SEC63: variants seen among roughly 807,000 people sequenced by gnomAD.
The protein encoded by SEC63 is translocation protein SEC63 homolog.
SEC63 carries 56 observed loss-of-function variants against 116.2 expected under a neutral mutation model. The ratio of observed to expected loss-of-function variants is 0.48; its 90% CI spans 0.39 to 0.60. The LOEUF is 0.60. Ranked by LOEUF, SEC63 falls within the 20% of genes least tolerant of loss-of-function variation. SEC63 has a pLI of 0.00. For missense variants in SEC63, 668 were observed against 900.0 expected (o/e 0.74, Z 3.30); for synonymous variants, 273 against 294.6 (o/e 0.93, Z 0.75).
At chr6:107,932,447 C>T (rs1787832780) in intron 1 of SEC63, among the ~76,000 whole-genome samples, 1 of 152,216 alleles carries the variant, frequency 6.6e-6, no homozygotes. Flanking sequence ...GGGAGGACTA[C>T]CCAGCAAGAA....
intron 1 of SEC63, among the ~76,000 whole-genome samples, chr6:107,943,224 A>C (rs1440903314): frequency 2.0e-5 from 3 of 152,248 alleles, no homozygotes; most frequent in African/African-American, 7.2e-5. Context: ...AGTATACACT[A>C]GTTAACTTTA....
intron 9 of SEC63, 49 bp downstream of exon 9, chr6:107,906,634 C>T (rs779411983): frequency 6.3e-7 from 1 of 1,599,330 alleles, no homozygotes; most frequent in Non-Finnish European, 8.6e-7. Context: ...AAAAAGTATT[C>T]ACTTTAATAC....
chr6:107,897,004 G>A (rs999940148), intron 14 of SEC63, among the ~76,000 whole-genome samples: 6 of 151,522 alleles, frequency 4.0e-5, no homozygotes, highest in African/African-American at 1.5e-4. Flanking sequence ...AAGAAGGAAG[G>A]GAGGGAAGGA....
Position 107,901,442 on chromosome 6 carries a change from C to T in SEC63, c.1285G>A (p.Asp429Asn). The change falls in exon 13 of 21, where the codon GAT (aspartate) becomes AAT (asparagine). Residue 429 changes from aspartate (D) to asparagine (N), a missense_variant. Asp to Asn is a conservative substitution (Grantham distance 23, BLOSUM62 1). Transcript: ENST00000369002. Reference protein sequence around the residue: ...DRHTLLHFLEDEKYEEVMAVL... With the variant: ...DRHTLLHFLENEKYEEVMAVL... ...GCCATAACCTCTTCATATTTTTCAT[C>T]TTCAAGGAAGTGCAGTAGAGTGTGA... 6.2e-7 allele frequency: 1 copy of T among 1,612,706 alleles called. No individual in the cohort carries two copies. The highest frequency in any genetic ancestry group is 8.5e-7 in the Non-Finnish European group (1 of 1,179,006).
At chr6:107,906,379 C>A in intron 10 of SEC63, 69 bp downstream of exon 10, 1 of 1,512,422 alleles carries the variant, frequency 6.6e-7, no homozygotes, top group Admixed American at 1.7e-5. Context: ...CTAATACACA[C>A]CATTAAGTCT....
At chr6:107,873,038 A>T in intron 19 of SEC63, 126 bp from the exon 20 acceptor site, 1 of 685,394 alleles carries the variant, frequency 1.5e-6, no homozygotes, top group Non-Finnish European at 2.7e-6. Flanking sequence ...AAGTCCTAAT[A>T]AATGTTACTA....
chr6:107,897,061 A>G (rs1030513063), intron 14 of SEC63, among the ~76,000 whole-genome samples: 3 of 151,950 alleles, frequency 2.0e-5, no homozygotes, highest in African/African-American at 7.3e-5. Context: ...AGGAAATGGG[A>G]GAGAGAAGGG....
chr6:107,938,176 TG>T (rs1166010173), intron 1 of SEC63, among the ~76,000 whole-genome samples: 1 of 151,904 alleles, frequency 6.6e-6, no homozygotes, highest in Non-Finnish European at 1.5e-5. Flanking sequence ...CAAAAATTTA[TG>T]AAAAGTCCTT....
Position 107,920,655 on chromosome 6 carries a change from G to A in SEC63, c.452+1142C>T, listed in dbSNP as rs115074582. On this transcript the variant is annotated intron_variant, in intron 4 of 20. Coordinates refer to ENST00000369002, the MANE Select transcript of SEC63 (RefSeq NM_007214.5). ...AGTTCACAAAATTATACATCACTGA[G>A]TCCTCAAAAGACAGACAATCTCATA... Among the ~76,000 whole-genome samples the A allele has an allele frequency of 8.8e-3, 1,336 of 152,172 alleles. 29 individuals are homozygous for A. The highest frequency in any genetic ancestry group is 0.025 in the African/African-American group (1,030 of 41,512).
chr6:107,900,467 C>T (rs1033044363), intron 13 of SEC63, among the ~76,000 whole-genome samples: 21 of 151,972 alleles, frequency 1.4e-4, no homozygotes, highest in South Asian at 4.1e-4. Flanking sequence ...CATGGTGAAA[C>T]GCTGTCTCTA....
chr6:107,936,401 C>A (rs1647013825), intron 1 of SEC63, among the ~76,000 whole-genome samples: 1 of 152,176 alleles, frequency 6.6e-6, no homozygotes, highest in African/African-American at 2.4e-5. Flanking sequence ...GTCAAAGTAA[C>A]TATTATGAGT....
At chr6:107,918,576 G>A (rs962159616) in intron 4 of SEC63, among the ~76,000 whole-genome samples, 8 of 151,530 alleles carry the variant, frequency 5.3e-5, no homozygotes, top group African/African-American at 1.9e-4. Flanking sequence ...CCTGTAGTCC[G>A]AGCTACTCGG....
At chr6:107,890,793 G>C (rs1479445448) in intron 16 of SEC63, among the ~76,000 whole-genome samples, 1 of 152,102 alleles carries the variant, frequency 6.6e-6, no homozygotes, top group Non-Finnish European at 1.5e-5. Context: ...GCATTTCCTT[G>C]TCTGTAAAGG....
chr6:107,891,118 CTA>C (rs1042589574), intron 16 of SEC63, among the ~76,000 whole-genome samples: 1 of 152,104 alleles, frequency 6.6e-6, no homozygotes, highest in Non-Finnish European at 1.5e-5. Flanking sequence ...GTTGACCTTG[CTA>C]GGTTGGGGAA....
chr6:107,888,511 CTAAA>C (rs1297592849), intron 16 of SEC63, among the ~76,000 whole-genome samples: 12 of 152,132 alleles, frequency 7.9e-5, no homozygotes, highest in South Asian at 2.1e-4. Flanking sequence ...ATGGGGTTTT[CTAAA>C]TATATAATCA....
chr6:107,890,824 A>T (rs904108067), intron 16 of SEC63, among the ~76,000 whole-genome samples: 1 of 152,142 alleles, frequency 6.6e-6, no homozygotes, highest in African/African-American at 2.4e-5. Context: ...TCCTTTGCTT[A>T]TGAAGCCTAG....
At chr6:107,935,209 G>A (rs1196070648) in intron 1 of SEC63, among the ~76,000 whole-genome samples, 1 of 151,548 alleles carries the variant, frequency 6.6e-6, no homozygotes, top group African/African-American at 2.4e-5. Flanking sequence ...CCGTCTGGGA[G>A]ATGAGGGGCG....
At chr6:107,918,648 C>T (rs939453740) in intron 4 of SEC63, among the ~76,000 whole-genome samples, 2 of 148,836 alleles carry the variant, frequency 1.3e-5, no homozygotes, top group Admixed American at 6.7e-5. Flanking sequence ...GCCAAGATCG[C>T]AGCAATGCAC....
chr6:107,907,410 C>T lies in SEC63; in HGVS notation c.734-633G>A, dbSNP rs945266628. 2.0e-5 allele frequency among the ~76,000 whole-genome samples: 3 copies of T among 151,912 alleles called. No individual in the cohort carries two copies. In the South Asian group the frequency reaches 6.2e-4, roughly 32 times the overall value. ...CAAGCTGGCCAAAATGGTGAAACCC[C>T]ATCTCTACTAAAAATACAAAAATTA... is the stretch of plus-strand genomic sequence containing the variant. On this transcript the variant is annotated intron_variant, in intron 8 of 20. Transcript: ENST00000369002.
Sources: allele counts gnomAD v4.1 joint callset (sites outside exome capture counted in the v4.1 genomes callset), GRCh38; gene constraint gnomAD v4.1.1; transcripts MANE v1.5; gene names NCBI Gene and HGNC (gene_info 2026-07-23, HGNC 2026-07-21).